Variants in COL5A1 observed in about 807,000 individuals in gnomAD.
COL5A1 encodes collagen alpha-1(V) chain.
A neutral mutation model predicts 263.7 loss-of-function variants in COL5A1; 16 were observed. That is an observed-to-expected ratio of 0.06 (90% CI 0.04 to 0.09). COL5A1 has a LOEUF of 0.09. COL5A1 is among the 10% of genes least tolerant of loss of function. COL5A1 has a pLI of 1.00. For missense variants in COL5A1, 2,036 were observed against 2,540.5 expected, an observed-to-expected ratio of 0.80 and a Z score of 4.27; for synonymous variants, 1,012 against 1,004.5, an observed-to-expected ratio of 1.01 and a Z score of -0.14.
intron 58 of COL5A1, 79 bp from the exon 59 acceptor site, chr9:134,822,018 G>A: frequency 3.1e-6 from 4 of 1,283,506 alleles, no homozygotes; most frequent in South Asian, 1.2e-5. Context: ...GCCGAGGGGT[G>A]TGGCTGGGTA....
rs1185358799 is a variant in COL5A1 at position 134,712,011 on chromosome 9, G to T, written c.654+10678G>T. Reference sequence around the variant, plus strand: ...TCCCCACTCCTTCCCCCTCCTTCCTGTCCCCCTCCTTCCTTCCCCCCTTCT... The same window carrying T: ...TCCCCACTCCTTCCCCCTCCTTCCTTTCCCCCTCCTTCCTTCCCCCCTTCT... On this transcript the variant is annotated intron_variant, in intron 4 of 65. Coordinates refer to ENST00000371817, the MANE Select transcript of COL5A1 (RefSeq NM_000093.5). 3.9e-5 allele frequency among the ~76,000 whole-genome samples: 3 copies of T among 76,384 alleles called. No homozygotes were observed. The South Asian group carries it at 1.3e-3, about 34-fold the overall frequency. 50.1% of individuals were successfully genotyped at this position (76,384 alleles called of 152,430 possible). A position where few individuals can be genotyped will look rare whatever the true frequency, so the allele number is the denominator to read the frequency against.
At chr9:134,768,028 G>C (rs924155655) in intron 24 of COL5A1, among the ~76,000 whole-genome samples, 1 of 152,214 alleles carries the variant, frequency 6.6e-6, no homozygotes, top group African/African-American at 2.4e-5. Flanking sequence ...GCCCTGCCCT[G>C]GGGTGTTGAT....
rs1390466658 is a variant in COL5A1, at chr9:134,802,793, T to C, written c.3007-95T>C. 4.2e-6 allele frequency: 4 copies of C among 960,280 alleles called. No individual in the cohort carries two copies. The Admixed American group carries it at 5.9e-5, about 14-fold the overall frequency. 59.5% of individuals were successfully genotyped at this position (960,280 alleles called of 1,614,324 possible). On this transcript the variant is annotated intron_variant, in intron 38 of 65. Transcript: ENST00000371817. ...GGTGTGCCCGCAGCAGACCTTTGCG[T>C]CCATGACCAGGGCTGTCCTTAGATT...
At chr9:134,837,264 T>C (rs1839881095) in intron 65 of COL5A1, among the ~76,000 whole-genome samples, 1 of 152,020 alleles carries the variant, frequency 6.6e-6, no homozygotes, top group Non-Finnish European at 1.5e-5. Flanking sequence ...CTGGCTTCCA[T>C]GGCAAAAAGG....
At chr9:134,798,047 G>A (rs550298302) in intron 36 of COL5A1, among the ~76,000 whole-genome samples, 1 of 152,338 alleles carries the variant, frequency 6.6e-6, no homozygotes, top group African/African-American at 2.4e-5. Context: ...GGGGCTGGTG[G>A]GAGGAGGTTG....
intron 4 of COL5A1, among the ~76,000 whole-genome samples, chr9:134,717,801 T>C (rs34529432): frequency 0.25 from 38,406 of 152,034 alleles, 5,027 homozygotes; most frequent in East Asian, 0.41. Context: ...ATAAAGTCTG[T>C]GGGACAAGCA....
chr9:134,776,390 A>G (rs1837050651), intron 27 of COL5A1, among the ~76,000 whole-genome samples: 1 of 152,238 alleles, frequency 6.6e-6, no homozygotes, highest in Admixed American at 6.5e-5. Flanking sequence ...TAAAATGTTT[A>G]TGGAGAATGC....
Position 134,727,309 on chromosome 9 carries a change from C to G in COL5A1, c.698C>G (p.Ala233Gly), listed in dbSNP as rs777559331. The part of the protein sequence containing the change: ...QLLFVSDHRA[A>G]YDYCEHYSPD... ...CTCTTTGTCTCGGACCACCGGGCAG[C>G]TTATGATTACTGTGAGCACTACAGC... The change falls in exon 5 of 66, where the codon GCT (alanine) becomes GGT (glycine). Residue 233 changes from alanine to glycine, a missense_variant. Around this residue, in one of 3 missense-constraint regions of COL5A1, gnomAD observed 600 missense variants for 634.5 expected, o/e 0.95. Transcript: ENST00000371817. 2 of 1,614,102 alleles carry G rather than the reference C, an allele frequency of 1.2e-6. No homozygotes were observed. Among genetic ancestry groups the G allele is most frequent in the East Asian group, 4.5e-5 (2 of 44,878 alleles).
At chr9:134,817,697 ACC>A in intron 53 of COL5A1, 79 bp from the exon 54 acceptor site, 1 of 1,281,064 alleles carries the variant, frequency 7.8e-7, no homozygotes, top group Non-Finnish European at 1.1e-6. Flanking sequence ...ACACACACAC[ACC>A]CTGAGCGCCT....
At position 134,683,712 on chromosome 9, in the gene COL5A1, G is replaced by A. The variant is rs559736041; in HGVS notation, c.110-7200G>A. ...TGCATGCAAGGGCTCTGTTCCTGCCGCCCTTTGATACTCCCTCTCCATCAG... is the reference window on the plus strand; with the variant it reads ...TGCATGCAAGGGCTCTGTTCCTGCCACCCTTTGATACTCCCTCTCCATCAG... On this transcript the variant is annotated intron_variant, in intron 1 of 65. Transcript: ENST00000371817. Among the ~76,000 whole-genome samples the A allele has an allele frequency of 2.6e-5, 4 of 152,276 alleles. No homozygotes were observed. The South Asian group carries it at 6.2e-4, about 24-fold the overall frequency.
chr9:134,828,587 C>CCACACACCA (rs1291089549), intron 63 of COL5A1, among the ~76,000 whole-genome samples: 1 of 11,508 alleles, frequency 8.7e-5, no homozygotes, highest in East Asian at 3.1e-3. Context: ...ATATACCACA[C>CCACACACCA]CACACATCAC....
chr9:134,737,891 A>G (rs758749324), intron 9 of COL5A1, among the ~76,000 whole-genome samples: 6 of 152,240 alleles, frequency 3.9e-5, no homozygotes, highest in Admixed American at 1.3e-4. Flanking sequence ...GGGCAGGTGG[A>G]CATGGCAGGG....
At chr9:134,750,747 C>T in intron 12 of COL5A1, 43 bp from the exon 13 acceptor site, 1 of 1,605,864 alleles carries the variant, frequency 6.2e-7, no homozygotes, top group Non-Finnish European at 8.5e-7. Flanking sequence ...TGCCTGGGTG[C>T]CACGTCACTG....
intron 4 of COL5A1, among the ~76,000 whole-genome samples, chr9:134,722,058 C>T (rs997676161): frequency 5.3e-5 from 8 of 152,242 alleles, no homozygotes; most frequent in African/African-American, 1.9e-4. Context: ...CCTGGCAGAC[C>T]CTTGCCCTTT....
intron 49 of COL5A1, 23 bp from the exon 50 acceptor site, chr9:134,814,774 T>G: frequency 6.5e-7 from 1 of 1,536,540 alleles, no homozygotes; most frequent in Non-Finnish European, 8.8e-7. Flanking sequence ...TCTGAGGACT[T>G]GACACTGGCC....
chr9:134,721,030 G>C (rs576829746), intron 4 of COL5A1, among the ~76,000 whole-genome samples: 1 of 152,254 alleles, frequency 6.6e-6, no homozygotes, highest in Admixed American at 6.5e-5. Flanking sequence ...GGGATCCCAG[G>C]GTTCCGCGGG....
intron 34 of COL5A1, among the ~76,000 whole-genome samples, chr9:134,795,933 C>G (rs1337929898): frequency 1.3e-5 from 2 of 152,210 alleles, no homozygotes; most frequent in East Asian, 3.9e-4. Context: ...CACAGGCCAC[C>G]CTGAACTCCT....
At chr9:134,811,244 T>A in intron 44 of COL5A1, 95 bp from the exon 45 acceptor site, 1 of 1,065,658 alleles carries the variant, frequency 9.4e-7, no homozygotes, top group Admixed American at 1.7e-5. Context: ...CGACGTTGGA[T>A]GCATCAGTCC....
chr9:134,758,501 G>A lies in COL5A1; in HGVS notation c.1935+205G>A, dbSNP rs1377409044. On this transcript the variant is annotated intron_variant, in intron 18 of 65. Coordinates refer to ENST00000371817, the MANE Select transcript of COL5A1 (RefSeq NM_000093.5). The surrounding 1 kb of genome is among the most constrained non-coding windows in gnomAD (Gnocchi z 4.1). ...TTGTTGATGGGTGGCCAGCCCAAAG[G>A]AATTGGAGCTCTTATCTACAGTTTG... is the stretch of plus-strand genomic sequence containing the variant. Among the ~76,000 whole-genome samples the A allele has an allele frequency of 6.6e-6, 1 of 152,142 alleles. No homozygotes were observed. The highest frequency in any genetic ancestry group is 2.4e-5 in the African/African-American group (1 of 41,424).
Sources: gnomAD v4.1 joint callset for allele counts (sites outside exome capture counted in the v4.1 genomes callset) on GRCh38, gnomAD v4.1.1 for gene constraint, gnomAD v4.1.1 regional missense constraint, Gnocchi (gnomAD v3.1) non-coding constraint, MANE v1.5 for transcripts, NCBI Gene and HGNC (gene_info 2026-07-23, HGNC 2026-07-21) for gene names.